TRAF3: variants seen among roughly 807,000 people sequenced by gnomAD.
TRAF3 encodes TNF receptor associated factor 3.
Under a neutral mutation model 62.3 loss-of-function variants are expected in TRAF3, and 13 were observed. The ratio of observed to expected loss-of-function variants is 0.21; its 90% CI spans 0.14 to 0.33. The LOEUF is 0.33. TRAF3 is among the 10% of genes least tolerant of loss of function. The pLI, the probability that TRAF3 is intolerant of heterozygous loss-of-function variation, is 1.00. For synonymous variants in TRAF3, 269 were observed against 283.4 expected (o/e 0.95, Z 0.51); for missense variants, 440 against 741.8 (o/e 0.59, Z 4.73).
chr14:102,860,398 CA>C (rs1887612757), intron 2 of TRAF3, among the ~76,000 whole-genome samples: 1 of 152,170 alleles, frequency 6.6e-6, no homozygotes, highest in Non-Finnish European at 1.5e-5. Flanking sequence ...TTTCCCAAAA[CA>C]GGGTATGTGG....
intron 1 of TRAF3, among the ~76,000 whole-genome samples, chr14:102,796,379 G>A (rs772532377): frequency 7.2e-5 from 11 of 152,312 alleles, no homozygotes; most frequent in Admixed American, 2.6e-4. Flanking sequence ...TATCCTCTAC[G>A]ATATACCGGT....
chr14:102,839,408 C>T (rs556920000), intron 2 of TRAF3, among the ~76,000 whole-genome samples: 14 of 151,980 alleles, frequency 9.2e-5, no homozygotes, highest in East Asian at 1.9e-4. Flanking sequence ...TTAGTAGAGA[C>T]GGGGTTTCAC....
chr14:102,851,598 G>A (rs1471712517), intron 2 of TRAF3, among the ~76,000 whole-genome samples: 1 of 152,212 alleles, frequency 6.6e-6, no homozygotes. Flanking sequence ...CAGAAAATTA[G>A]CCAGGCCTGG....
chr14:102,898,837 GT>G (rs1017524190), intron 10 of TRAF3, among the ~76,000 whole-genome samples: 3 of 152,180 alleles, frequency 2.0e-5, no homozygotes, highest in Admixed American at 1.3e-4. Flanking sequence ...GAAAACTTTT[GT>G]GATTGGATGA....
chr14:102,780,163 C>G (rs535952145), intron 1 of TRAF3, among the ~76,000 whole-genome samples: 25 of 152,156 alleles, frequency 1.6e-4, no homozygotes, highest in Non-Finnish European at 3.4e-4. Context: ...GGAAATGATG[C>G]TTAGACTTGC....
At chr14:102,787,015 G>C (rs1468268132) in intron 1 of TRAF3, among the ~76,000 whole-genome samples, 1 of 152,036 alleles carries the variant, frequency 6.6e-6, no homozygotes, top group Non-Finnish European at 1.5e-5. Flanking sequence ...ACAAGAACAA[G>C]AAAAATCAGA....
At chr14:102,857,467 T>G (rs1887437830) in intron 2 of TRAF3, among the ~76,000 whole-genome samples, 1 of 152,264 alleles carries the variant, frequency 6.6e-6, no homozygotes, top group East Asian at 1.9e-4. Flanking sequence ...TTTTTAAAAT[T>G]GGCTTTGATG....
intron 2 of TRAF3, among the ~76,000 whole-genome samples, chr14:102,854,344 T>C (rs1178978254): frequency 2.0e-5 from 3 of 152,356 alleles, no homozygotes; most frequent in Admixed American, 6.5e-5. Flanking sequence ...GTTTAACTTT[T>C]GGAGGAACTG....
intron 2 of TRAF3, among the ~76,000 whole-genome samples, chr14:102,853,273 G>A (rs1813930145): frequency 6.6e-6 from 1 of 151,868 alleles, no homozygotes; most frequent in African/African-American, 2.4e-5. Flanking sequence ...GGTACTTCAA[G>A]CAGTCCTCTT....
intron 1 of TRAF3, among the ~76,000 whole-genome samples, chr14:102,801,979 G>A: frequency 6.9e-6 from 1 of 144,692 alleles, no homozygotes; most frequent in Non-Finnish European, 1.5e-5. Context: ...TCATGCCACT[G>A]CACTCCAGCC....
At chr14:102,857,096 G>A (rs1336648328) in intron 2 of TRAF3, among the ~76,000 whole-genome samples, 1 of 152,210 alleles carries the variant, frequency 6.6e-6, no homozygotes. Flanking sequence ...CTGGGCAGTT[G>A]TTGAAACCAA....
At chr14:102,856,386 A>T (rs1887371653) in intron 2 of TRAF3, among the ~76,000 whole-genome samples, 1 of 152,180 alleles carries the variant, frequency 6.6e-6, no homozygotes, top group African/African-American at 2.4e-5. Context: ...TAGACCATAC[A>T]GGGCAACTTC....
At chr14:102,851,700 C>T (rs937715818) in intron 2 of TRAF3, among the ~76,000 whole-genome samples, 1 of 152,064 alleles carries the variant, frequency 6.6e-6, no homozygotes, top group African/African-American at 2.4e-5. Context: ...GCCGAGATGG[C>T]GCCACTGCAC....
chr14:102,779,578 T>A (rs535845472), intron 1 of TRAF3, among the ~76,000 whole-genome samples: 4 of 152,330 alleles, frequency 2.6e-5, no homozygotes, highest in African/African-American at 9.6e-5. Context: ...AGAATCCCTT[T>A]AATTTTTCAC....
chr14:102,879,656 G>C (rs1245235809), intron 6 of TRAF3, among the ~76,000 whole-genome samples: 1 of 149,396 alleles, frequency 6.7e-6, no homozygotes, highest in Admixed American at 6.7e-5. Context: ...AAGTAATTGC[G>C]TTTTTTGCCA....
intron 1 of TRAF3, among the ~76,000 whole-genome samples, chr14:102,801,825 T>G (rs1323760368): frequency 1.3e-5 from 2 of 151,832 alleles, no homozygotes; most frequent in African/African-American, 4.8e-5. Flanking sequence ...GAGACCATCC[T>G]GGCTAACACA....
intron 2 of TRAF3, among the ~76,000 whole-genome samples, chr14:102,855,212 A>G (rs533035025): frequency 3.9e-5 from 6 of 152,076 alleles, no homozygotes; most frequent in Non-Finnish European, 7.4e-5. Flanking sequence ...GATAGATTAC[A>G]TTTTGTTTAT....
chr14:102,904,972 C>T (rs1890513187), intron 11 of TRAF3, among the ~76,000 whole-genome samples: 4 of 152,084 alleles, frequency 2.6e-5, no homozygotes. Flanking sequence ...ATTAGCCAGG[C>T]GTGGTGGCAG....
At chr14:102,890,130 A>T (rs924860205) in intron 8 of TRAF3, among the ~76,000 whole-genome samples, 4 of 152,256 alleles carry the variant, frequency 2.6e-5, no homozygotes, top group Non-Finnish European at 4.4e-5. Flanking sequence ...AGCACAGCTC[A>T]TAGAGAGCAC....
Sources: gnomAD v4.1 joint callset for allele counts (sites outside exome capture counted in the v4.1 genomes callset) on GRCh38, gnomAD v4.1.1 for gene constraint, MANE v1.5 for transcripts, NCBI Gene and HGNC (gene_info 2026-07-23, HGNC 2026-07-21) for gene names.